Variants in GPHN observed in about 807,000 individuals in gnomAD.
GPHN encodes gephyrin.
A neutral mutation model predicts 95.5 loss-of-function variants in GPHN; 17 were observed. That is an observed-to-expected ratio of 0.18 (90% confidence interval 0.12 to 0.27). The LOEUF is 0.27. Among genes scored for constraint, GPHN ranks in the 10% least tolerant of loss-of-function variants. The pLI is 1.00. For synonymous variants in GPHN, 320 were observed against 322.5 expected (o/e 0.99, Z 0.08); for missense variants, 660 against 978.1 (o/e 0.67, Z 4.34).
At chr14:67,614,774 GATAAT>G in the GPHN span, among the ~76,000 whole-genome samples, 3 of 151,518 alleles carry the variant, frequency 2.0e-5, no homozygotes, top group Non-Finnish European at 4.4e-5. Context: ...TAAAACCAAA[GATAAT>G]ATAGACTCCA....
chr14:67,689,646 C>T, the GPHN span, among the ~76,000 whole-genome samples: 1 of 151,898 alleles, frequency 6.6e-6, no homozygotes, highest in East Asian at 1.9e-4. Flanking sequence ...GAAGGAAGTC[C>T]TAAAAGTTAA....
At chr14:67,080,864 T>G (rs1277947666) in intron 11 of GPHN, among the ~76,000 whole-genome samples, 1 of 152,178 alleles carries the variant, frequency 6.6e-6, no homozygotes, top group African/African-American at 2.4e-5. Context: ...CAATGTTTGG[T>G]TTTTCATTCC....
chr14:67,127,630 G>A (rs531956684), intron 17 of GPHN, among the ~76,000 whole-genome samples: 1 of 152,258 alleles, frequency 6.6e-6, no homozygotes, highest in South Asian at 2.1e-4. Flanking sequence ...GCAGGTCTGT[G>A]GAACACAGGA....
At chr14:67,117,260 A>G (rs1350650565) in intron 16 of GPHN, among the ~76,000 whole-genome samples, 3 of 152,214 alleles carry the variant, frequency 2.0e-5, no homozygotes, top group Non-Finnish European at 4.4e-5. Flanking sequence ...TAATTCCATC[A>G]AGACTATAGG....
At chr14:67,603,927 C>T in the GPHN span, among the ~76,000 whole-genome samples, 4,032 of 152,038 alleles carry the variant, frequency 0.027, 164 homozygotes, top group East Asian at 0.12. Flanking sequence ...GTGATCTGCC[C>T]GCCTCAACCT....
At chr14:67,598,602 C>T in the GPHN span, among the ~76,000 whole-genome samples, 1 of 152,060 alleles carries the variant, frequency 6.6e-6, no homozygotes, top group East Asian at 1.9e-4. Context: ...TGACCACATA[C>T]ATAGGCTATA....
At chr14:66,954,387 G>A (rs2068339771) in intron 8 of GPHN, among the ~76,000 whole-genome samples, 1 of 152,032 alleles carries the variant, frequency 6.6e-6, no homozygotes, top group Non-Finnish European at 1.5e-5. Context: ...TCTCTTTGAT[G>A]CTATTGTAAA....
intron 2 of GPHN, among the ~76,000 whole-genome samples, chr14:66,691,552 A>G (rs1166391799): frequency 6.6e-6 from 1 of 152,184 alleles, no homozygotes; most frequent in African/African-American, 2.4e-5. Context: ...ATTATATTTC[A>G]GTGTCTATAA....
At chr14:67,338,570 A>C in the GPHN span, 2 of 1,578,528 alleles carry the variant, frequency 1.3e-6, no homozygotes, top group South Asian at 2.3e-5. Flanking sequence ...CACACTGTGA[A>C]TTAAAATGAA....
the GPHN span, among the ~76,000 whole-genome samples, chr14:67,667,123 G>A: frequency 2.6e-5 from 4 of 152,106 alleles, no homozygotes; most frequent in Non-Finnish European, 5.9e-5. Flanking sequence ...TGGGAAACTG[G>A]GTGGATGCTG....
chr14:67,166,662 T>TTGTGTTTG (rs2082297941), intron 20 of GPHN, among the ~76,000 whole-genome samples: 1 of 152,032 alleles, frequency 6.6e-6, no homozygotes, highest in Non-Finnish European at 1.5e-5. Context: ...GTTTTGTGTT[T>TTGTGTTTG]TTTGTTTGTT....
intron 1 of GPHN, among the ~76,000 whole-genome samples, chr14:66,629,181 A>AAATATATATTTATATACG (rs1566729379): frequency 1.9e-5 from 2 of 106,880 alleles, no homozygotes; most frequent in East Asian, 6.9e-4. Flanking sequence ...ATATATATAC[A>AAATATATATTTATATACG]TATATAAATA....
At chr14:67,704,256 G>C in the GPHN span, among the ~76,000 whole-genome samples, 1 of 152,132 alleles carries the variant, frequency 6.6e-6, no homozygotes, top group African/African-American at 2.4e-5. Context: ...AGAAGGAGGA[G>C]GAGCAGCTAG....
chr14:67,204,803 C>T, the GPHN span: 35 of 1,613,850 alleles, frequency 2.2e-5, no homozygotes, highest in Non-Finnish European at 2.8e-5. Context: ...ACGGATGTCA[C>T]CACGTTCACA....
At chr14:66,588,564 A>G (rs2061513731) in intron 1 of GPHN, among the ~76,000 whole-genome samples, 1 of 152,134 alleles carries the variant, frequency 6.6e-6, no homozygotes, top group South Asian at 2.1e-4. Flanking sequence ...GGAGCTGAAA[A>G]ACAGCACAAC....
At chr14:66,869,556 A>G (rs942120332) in intron 4 of GPHN, among the ~76,000 whole-genome samples, 1 of 152,058 alleles carries the variant, frequency 6.6e-6, no homozygotes, top group African/African-American at 2.4e-5. Flanking sequence ...CCTACGTGGC[A>G]TTTGCCAGTG....
the GPHN span, among the ~76,000 whole-genome samples, chr14:67,423,009 T>C: frequency 1.3e-5 from 2 of 152,006 alleles, no homozygotes; most frequent in Non-Finnish European, 2.9e-5. Context: ...TTTTTTATTT[T>C]TTTTAGTAGA....
the GPHN span, among the ~76,000 whole-genome samples, chr14:67,606,881 C>T: frequency 1.1e-4 from 16 of 152,212 alleles, no homozygotes; most frequent in Non-Finnish European, 2.1e-4. Context: ...CTCTTGACCT[C>T]GTGATCTGCC....
the GPHN span, among the ~76,000 whole-genome samples, chr14:67,307,983 GA>G: frequency 6.6e-6 from 1 of 152,050 alleles, no homozygotes; most frequent in East Asian, 1.9e-4. Context: ...CACAGGAACA[GA>G]AAACCAAAAA....
Sources: allele counts gnomAD v4.1 joint callset (sites outside exome capture counted in the v4.1 genomes callset), GRCh38; gene constraint gnomAD v4.1.1; transcripts MANE v1.5; gene names NCBI Gene and HGNC (gene_info 2026-07-23, HGNC 2026-07-21).